ST8SIA6: variants seen among roughly 807,000 people sequenced by gnomAD.
ST8SIA6 encodes the protein alpha-2,8-sialyltransferase 8F.
A neutral mutation model predicts 33.6 loss-of-function variants in ST8SIA6; 39 were observed. The ratio of observed to expected loss-of-function variants is 1.16; its 90% CI spans 0.90 to 1.52. ST8SIA6 has a LOEUF of 1.52. Among genes scored for constraint, ST8SIA6 ranks in the 40% most tolerant of loss-of-function variants. ST8SIA6 has a pLI of 0.00. For missense variants in ST8SIA6, 441 were observed against 443.8 expected (o/e 0.99, Z 0.06); for synonymous variants, 172 against 167.2 (o/e 1.03, Z -0.22).
intron 2 of ST8SIA6, among the ~76,000 whole-genome samples, chr10:17,444,577 A>C (rs1852631389): frequency 3.3e-5 from 5 of 152,170 alleles, no homozygotes; most frequent in Admixed American, 3.3e-4. Context: ...TGTGCACGTG[A>C]AAAGACACCC....
intron 3 of ST8SIA6, among the ~76,000 whole-genome samples, chr10:17,360,277 C>G (rs17140780): frequency 0.12 from 18,294 of 152,046 alleles, 1,231 homozygotes; most frequent in South Asian, 0.18. Flanking sequence ...TGAGAAAACT[C>G]TTAAATTTTA....
intron 3 of ST8SIA6, among the ~76,000 whole-genome samples, chr10:17,382,811 A>C (rs1850199810): frequency 6.6e-6 from 1 of 152,222 alleles, no homozygotes; most frequent in African/African-American, 2.4e-5. Context: ...TAAGATCGTA[A>C]GGGCCGATTT....
chr10:17,354,638 A>G (rs148109962), intron 4 of ST8SIA6, among the ~76,000 whole-genome samples: 2,605 of 152,252 alleles, frequency 0.017, 25 homozygotes, highest in Middle Eastern at 0.048. Flanking sequence ...ATCTGCGGTA[A>G]ATTTCAGGTA....
intron 4 of ST8SIA6, among the ~76,000 whole-genome samples, chr10:17,339,882 A>T (rs1159945320): frequency 6.6e-6 from 1 of 152,244 alleles, no homozygotes; most frequent in Non-Finnish European, 1.5e-5. Context: ...CCTATTAAAT[A>T]TTGAGCTCTA....
rs368334700 is a variant in ST8SIA6, at chr10:17,331,533, A to C, written c.397T>G (p.Cys133Gly). 1.2e-6 allele frequency: 2 copies of C among 1,609,440 alleles called. No homozygotes were observed. The highest frequency in any genetic ancestry group is 1.7e-6 in the Non-Finnish European group (2 of 1,178,836). Residue 133 changes from cysteine to glycine, a missense_variant, in exon 5 of 8, where the codon TGT becomes GGT. Cys to Gly is a radical substitution (Grantham distance 159). Coordinates refer to ENST00000377602, the MANE Select transcript of ST8SIA6 (RefSeq NM_001004470.3). ...ANFRAKLASC[C>G]DAVQNFVVSQ... ...ACAACAAAGTTTTGAACAGCATCAC[A>C]GCAGGAAGCAAGTTTGGCTCTGCAA...
intron 5 of ST8SIA6, among the ~76,000 whole-genome samples, chr10:17,329,425 T>C (rs1230132558): frequency 6.6e-6 from 1 of 152,192 alleles, no homozygotes; most frequent in Non-Finnish European, 1.5e-5. Context: ...TGTATAATTA[T>C]GTATCTTATT....
At chr10:17,325,187 ATAT>A (rs993548049) in intron 6 of ST8SIA6, among the ~76,000 whole-genome samples, 14 of 142,106 alleles carry the variant, frequency 9.9e-5, no homozygotes, top group Non-Finnish European at 1.9e-4. Context: ...TAATGTATAC[ATAT>A]TATACGTATA....
chr10:17,385,141 A>C (rs1000930915), intron 3 of ST8SIA6, among the ~76,000 whole-genome samples: 3 of 152,230 alleles, frequency 2.0e-5, no homozygotes, highest in Non-Finnish European at 4.4e-5. Flanking sequence ...GAAACTGCTC[A>C]GGGCAAACCT....
chr10:17,453,197 C>T lies in ST8SIA6; in HGVS notation c.200+362G>A, dbSNP rs538942795. Among the ~76,000 whole-genome samples, 7 of 149,376 alleles carry T rather than the reference C, an allele frequency of 4.7e-5. No homozygotes were observed. The South Asian group carries it at 1.5e-3, about 32-fold the overall frequency. On this transcript the variant is annotated intron_variant, in intron 2 of 7. Coordinates refer to ENST00000377602, the MANE Select transcript of ST8SIA6 (RefSeq NM_001004470.3). ...AAAGCATAGAAAAGAAAAAGCAAAC[C>T]AACCAAATCCCTCCATAAAGACAGG... is the stretch of plus-strand genomic sequence containing the variant.
At chr10:17,421,109 G>C (rs746601623) in intron 2 of ST8SIA6, among the ~76,000 whole-genome samples, 12 of 152,170 alleles carry the variant, frequency 7.9e-5, no homozygotes, top group Non-Finnish European at 1.8e-4. Flanking sequence ...AGAGATTTGG[G>C]TGGAGACACA....
Position 17,328,396 on chromosome 10 carries a change from GT to G in ST8SIA6, c.523-1271del, listed in dbSNP as rs1399239232. On this transcript the variant is annotated intron_variant, in intron 5 of 7. Coordinates refer to ENST00000377602, the MANE Select transcript of ST8SIA6 (RefSeq NM_001004470.3). ...GGACCTGGCCTGCTTACCCCAGAAG[GT>G]TTCCTATTTTCCCCAAGTTCTCTGC... Among the ~76,000 whole-genome samples the G allele has an allele frequency of 5.9e-5, 9 of 152,250 alleles. No individual in the cohort carries two copies. The East Asian group carries it at 1.7e-3, about 29-fold the overall frequency.
At chr10:17,413,574 C>G (rs891667098) in intron 2 of ST8SIA6, 6 of 152,082 alleles carry the variant, frequency 3.9e-5, no homozygotes, top group Non-Finnish European at 7.4e-5. Flanking sequence ...GTGTCCCACT[C>G]TGAAATTTCT....
chr10:17,371,602 T>C (rs1849733381), intron 3 of ST8SIA6, among the ~76,000 whole-genome samples: 2 of 151,760 alleles, frequency 1.3e-5, no homozygotes, highest in African/African-American at 4.8e-5. Context: ...CTAGCCAACA[T>C]GGTGAAACCC....
intron 2 of ST8SIA6, among the ~76,000 whole-genome samples, chr10:17,407,678 A>C (rs181900217): frequency 1.1e-4 from 17 of 152,336 alleles, no homozygotes; most frequent in Admixed American, 2.6e-4. Context: ...GTGTGCAGGC[A>C]GAATGAACCT....
rs1184273009 is a variant in ST8SIA6 at position 17,320,322 on chromosome 10, T to C, written c.*556A>G. Reference sequence around the variant, plus strand: ...CATCACAGCTACTATTAAAAGTGAATTTAATCAGAAGCAGGCATACTGCCA... The same window carrying C: ...CATCACAGCTACTATTAAAAGTGAACTTAATCAGAAGCAGGCATACTGCCA... On this transcript the variant is annotated 3_prime_UTR_variant, in exon 8 of 8. Transcript: ENST00000377602. The C allele has an allele frequency of 1.3e-5, 2 of 152,620 alleles. No homozygotes were observed. The highest frequency in any genetic ancestry group is 2.9e-5 in the Non-Finnish European group (2 of 68,352). 9.5% of individuals were successfully genotyped at this position (152,620 alleles called of 1,614,324 possible). A position where few individuals can be genotyped will look rare whatever the true frequency, so the allele number is the denominator to read the frequency against.
intron 3 of ST8SIA6, among the ~76,000 whole-genome samples, chr10:17,364,586 G>A (rs1055728647): frequency 1.4e-4 from 21 of 152,142 alleles, no homozygotes; most frequent in African/African-American, 5.1e-4. Flanking sequence ...TTTTTTCTAA[G>A]TGCTTGCCCT....
At chr10:17,330,655 A>T (rs1848270744) in intron 5 of ST8SIA6, among the ~76,000 whole-genome samples, 1 of 152,222 alleles carries the variant, frequency 6.6e-6, no homozygotes, top group Admixed American at 6.5e-5. Context: ...AGTATACTGC[A>T]CATATAGAGG....
At chr10:17,391,116 C>T (rs531337327) in intron 2 of ST8SIA6, among the ~76,000 whole-genome samples, 81 of 152,222 alleles carry the variant, frequency 5.3e-4, no homozygotes, top group African/African-American at 1.7e-3. Context: ...CATCAGCCTC[C>T]CAAAGTGCTG....
intron 2 of ST8SIA6, among the ~76,000 whole-genome samples, chr10:17,417,421 G>C (rs559797343): frequency 3.7e-4 from 57 of 152,158 alleles, no homozygotes; most frequent in African/African-American, 1.4e-3. Flanking sequence ...CCTCTGCCTT[G>C]AGCGTTCCTG....
Sources: allele counts gnomAD v4.1 joint callset (sites outside exome capture counted in the v4.1 genomes callset), GRCh38; gene constraint gnomAD v4.1.1; transcripts MANE v1.5; gene names NCBI Gene and HGNC (gene_info 2026-07-23, HGNC 2026-07-21).